COL4A1: variants seen among roughly 807,000 people sequenced by gnomAD.
The protein encoded by COL4A1 is collagen alpha-1(IV) chain.
In COL4A1, 40 loss-of-function variants were observed where a neutral mutation model predicts 216.6. The ratio of observed to expected loss-of-function variants is 0.18; its 90% CI spans 0.14 to 0.24. The LOEUF (loss-of-function observed/expected upper bound fraction) is 0.24, where lower values mean the gene tolerates loss of function less well. Ranked by LOEUF, COL4A1 falls within the 10% of genes least tolerant of loss-of-function variation. COL4A1 has a pLI of 1.00. For synonymous variants in COL4A1, 839 were observed against 810.7 expected, an observed-to-expected ratio of 1.03 and a Z score of -0.59; for missense variants, 1,628 against 2,196.8, an observed-to-expected ratio of 0.74 and a Z score of 5.18.
chr13:110,258,103 A>C (rs9588128), intron 1 of COL4A1, among the ~76,000 whole-genome samples: 72,557 of 152,068 alleles, frequency 0.48, 18,103 homozygotes, highest in East Asian at 0.64. Context: ...TAGAAATAGA[A>C]ATATGGTTCC....
At chr13:110,185,799 T>A (rs1476043586) in intron 26 of COL4A1, among the ~76,000 whole-genome samples, 2 of 152,208 alleles carry the variant, frequency 1.3e-5, no homozygotes, top group African/African-American at 4.8e-5. Flanking sequence ...ACAGGTTCTC[T>A]GGAAAACCTC....
intron 2 of COL4A1, among the ~76,000 whole-genome samples, chr13:110,230,100 G>A (rs1202552886): frequency 7.0e-6 from 1 of 143,482 alleles, no homozygotes; most frequent in African/African-American, 2.6e-5. Flanking sequence ...AGGTGGACGA[G>A]GAGGGCTCCA....
At chr13:110,263,214 C>T (rs1012970541) in intron 1 of COL4A1, among the ~76,000 whole-genome samples, 1 of 152,220 alleles carries the variant, frequency 6.6e-6, no homozygotes, top group Non-Finnish European at 1.5e-5. Flanking sequence ...GCAGTGAATT[C>T]ACGACGGCCT....
At chr13:110,261,253 GC>G (rs1566426027) in intron 1 of COL4A1, among the ~76,000 whole-genome samples, 1 of 152,142 alleles carries the variant, frequency 6.6e-6, no homozygotes. Flanking sequence ...GGCGCAGGAA[GC>G]CCCCCGACCC....
At chr13:110,191,703 A>G (rs755025141) in intron 24 of COL4A1, 47 of 665,992 alleles carry the variant, frequency 7.1e-5, no homozygotes, top group Non-Finnish European at 1.2e-4. Flanking sequence ...AAGAATAAAA[A>G]CATATTTCTA....
At chr13:110,267,106 G>A (rs1395248819) in intron 1 of COL4A1, among the ~76,000 whole-genome samples, 1 of 152,182 alleles carries the variant, frequency 6.6e-6, no homozygotes, top group Admixed American at 6.5e-5. Context: ...CCCACAGCGA[G>A]GGCAGCGGCT....
Position 110,203,582 on chromosome 13 carries a change from G to A in COL4A1, c.983C>T (p.Pro328Leu). ...CTTACTCACAATTCCAGGTGGGCCAGGAGGACCTGCTTCACCCTTTTCTCC... is the reference window on the plus strand; with the variant it reads ...CTTACTCACAATTCCAGGTGGGCCAAGAGGACCTGCTTCACCCTTTTCTCC... Reference protein sequence around the residue: ...PQGEKGEAGPPGPPGIVIGTG... With the variant: ...PQGEKGEAGPLGPPGIVIGTG... The change falls in exon 18 of 52, where the codon CCT (proline) becomes CTT (leucine). Residue 328 changes from proline to leucine, a missense_variant. Pro to Leu is a moderately conservative substitution (Grantham distance 98). Coordinates refer to ENST00000375820, the MANE Select transcript of COL4A1 (RefSeq NM_001845.6). 1 of 1,614,028 alleles carries A rather than the reference G, an allele frequency of 6.2e-7. No individual in the cohort carries two copies. The highest frequency in any genetic ancestry group is 8.5e-7 in the Non-Finnish European group (1 of 1,180,028).
At chr13:110,224,476 T>C (rs1880647155) in intron 2 of COL4A1, among the ~76,000 whole-genome samples, 1 of 152,068 alleles carries the variant, frequency 6.6e-6, no homozygotes, top group Non-Finnish European at 1.5e-5. Context: ...ACGTGCACCA[T>C]CATGCCTGGC....
Position 110,187,207 on chromosome 13 carries a change from G to C in COL4A1, c.1659C>G (p.Gly553=). 6.2e-7 allele frequency: 1 copy of C among 1,614,006 alleles called. No homozygotes were observed. Among genetic ancestry groups the C allele is most frequent in the South Asian group, 1.1e-5 (1 of 91,076 alleles). Residue 553 remains glycine (G), a synonymous_variant, in exon 25 of 52, where the codon GGC becomes GGG. Transcript: ENST00000375820. ...KGDPGFPGQP[G]MPGRAGSPGR... ...CAGGAGAACCCGCTCTCCCTGGCAT[G>C]CCGGGCTGTCCTGGAAAGCCTGGGT... is the stretch of plus-strand genomic sequence containing the variant.
At chr13:110,163,648 C>G (rs1877189011) in intron 46 of COL4A1, 87 bp from the exon 47 acceptor site, 1 of 1,252,822 alleles carries the variant, frequency 8.0e-7, no homozygotes, top group Non-Finnish European at 1.1e-6. Flanking sequence ...TTTCAGTGTT[C>G]AAGGAGCCAA....
intron 1 of COL4A1, among the ~76,000 whole-genome samples, chr13:110,292,720 CTG>C (rs1220203251): frequency 6.6e-6 from 1 of 152,164 alleles, no homozygotes; most frequent in Non-Finnish European, 1.5e-5. Context: ...ATGGGGGAAA[CTG>C]CCCCCATAAT....
chr13:110,227,062 T>A (rs994485523), intron 2 of COL4A1, among the ~76,000 whole-genome samples: 5 of 152,318 alleles, frequency 3.3e-5, no homozygotes, highest in African/African-American at 1.2e-4. Flanking sequence ...CCCAATTATT[T>A]AAAAATTTCT....
At chr13:110,238,792 A>G (rs756886170) in intron 2 of COL4A1, among the ~76,000 whole-genome samples, 6 of 152,224 alleles carry the variant, frequency 3.9e-5, no homozygotes, top group Non-Finnish European at 5.9e-5. Flanking sequence ...CTATTTTAGC[A>G]AAACATAAAT....
At chr13:110,219,765 T>TATAC (rs1880319780) in intron 2 of COL4A1, among the ~76,000 whole-genome samples, 1 of 135,394 alleles carries the variant, frequency 7.4e-6, no homozygotes, top group South Asian at 2.2e-4. Flanking sequence ...TATATGCGTA[T>TATAC]ATATGTATAT....
At position 110,170,573 on chromosome 13, in the gene COL4A1, C is replaced by G; in HGVS notation, c.3716G>C (p.Gly1239Ala). 6.2e-7 allele frequency: 1 copy of G among 1,606,880 alleles called. No individual in the cohort carries two copies. The highest frequency in any genetic ancestry group is 8.5e-7 in the Non-Finnish European group (1 of 1,176,620). Residue 1239 changes from glycine to alanine, a missense_variant, in exon 42 of 52, where the codon GGA (glycine) becomes GCA (alanine). Gly to Ala is a moderately conservative substitution (Grantham distance 60). Coordinates refer to ENST00000375820, the MANE Select transcript of COL4A1 (RefSeq NM_001845.6). ...HATEGPKGDR[G>A]PQGQPGLPGL... ...TGGCAGGCCAGGCTGGCCCTGAGGT[C>G]CGCGGTCTCCTTTGGGCCCCTCCGT...
At chr13:110,274,662 G>C (rs967688800) in intron 1 of COL4A1, among the ~76,000 whole-genome samples, 2 of 152,180 alleles carry the variant, frequency 1.3e-5, no homozygotes, top group African/African-American at 4.8e-5. Context: ...GAAATGCAAT[G>C]GGAGGAGTGT....
chr13:110,198,667 G>A (rs496916), intron 20 of COL4A1, 36 bp from the exon 21 acceptor site: 1 of 1,613,040 alleles, frequency 6.2e-7, no homozygotes, highest in Admixed American at 1.7e-5. Context: ...AGTAACCTCA[G>A]GGCCACTTAG....
chr13:110,150,044 C>T lies in COL4A1; in HGVS notation c.*319G>A, dbSNP rs1258469792. The T allele has an allele frequency of 7.5e-5, 30 of 402,426 alleles. No individual in the cohort carries two copies. Among genetic ancestry groups the T allele is most frequent in the Admixed American group, 7.2e-5 (2 of 27,664 alleles). The allele number at this position is 402,426 out of a possible 1,614,324, so 24.9% of individuals were successfully genotyped here. A position where few individuals can be genotyped will look rare whatever the true frequency, so the allele number is the denominator to read the frequency against. On this transcript the variant is annotated 3_prime_UTR_variant, in exon 52 of 52. Transcript: ENST00000375820. ...GCAAACAGTATGGAAGGCACCCACA[C>T]CTCCTAGCACCCTTTGGTTTTCTGA...
intron 24 of COL4A1, among the ~76,000 whole-genome samples, chr13:110,189,467 G>A (rs1171291075): frequency 6.6e-6 from 1 of 152,212 alleles, no homozygotes; most frequent in African/African-American, 2.4e-5. Flanking sequence ...TCTCATGGAC[G>A]ACTACCAGTG....
Sources: allele counts gnomAD v4.1 joint callset (sites outside exome capture counted in the v4.1 genomes callset), GRCh38; gene constraint gnomAD v4.1.1; transcripts MANE v1.5; gene names NCBI Gene and HGNC (gene_info 2026-07-23, HGNC 2026-07-21).